The following FRMD6 variants were observed in gnomAD, a reference collection of about 807,000 sequenced individuals.
FRMD6 encodes the protein FERM domain-containing protein 6.
Under a neutral mutation model 73.2 loss-of-function variants are expected in FRMD6, and 37 were observed. The observed-to-expected ratio is 0.51, with a 90% CI of 0.39 to 0.66. FRMD6 has a LOEUF of 0.66. Ranked by LOEUF, FRMD6 falls within the 30% of genes least tolerant of loss-of-function variation. The pLI is 0.00. For missense variants in FRMD6, 714 were observed against 780.5 expected, an observed-to-expected ratio of 0.91 and a Z score of 1.02; for synonymous variants, 273 against 282.2, an observed-to-expected ratio of 0.97 and a Z score of 0.33.
chr14:51,508,225 C>T (rs868293895), intron 1 of FRMD6, among the ~76,000 whole-genome samples: 6 of 152,202 alleles, frequency 3.9e-5, no homozygotes, highest in Non-Finnish European at 5.9e-5. Flanking sequence ...TCTCCATGTC[C>T]TTCCCCCACC....
chr14:51,648,148 A>G (rs997339743), upstream of FRMD6, among the ~76,000 whole-genome samples: 5 of 152,210 alleles, frequency 3.3e-5, no homozygotes, highest in Admixed American at 6.5e-5. Context: ...TATACAAAAG[A>G]TAAAAATAAT....
the FRMD6 span, among the ~76,000 whole-genome samples, chr14:51,458,621 G>A: frequency 6.6e-6 from 1 of 152,182 alleles, no homozygotes; most frequent in Non-Finnish European, 1.5e-5. Flanking sequence ...AGGAAAACTA[G>A]AAGATAAGCA....
chr14:51,709,923 A>G (rs1896848694), intron 7 of FRMD6, among the ~76,000 whole-genome samples: 1 of 152,136 alleles, frequency 6.6e-6, no homozygotes, highest in South Asian at 2.1e-4. Context: ...ATGATACAAT[A>G]TGCTTCACAA....
chr14:51,565,365 A>G lies in FRMD6; in HGVS notation c.-209-4983A>G, dbSNP rs529722197. On this transcript the variant is annotated intron_variant, in intron 1 of 14. Transcript: ENST00000356218. ...TTGGGGGCAGCTGTAGTTGAGCTCTATTAAGCTTCAAGGTGCTGCTAGAAC... is the reference window on the plus strand; with the variant it reads ...TTGGGGGCAGCTGTAGTTGAGCTCTGTTAAGCTTCAAGGTGCTGCTAGAAC... 14 of 152,404 alleles carry G rather than the reference A, an allele frequency of 9.2e-5. No homozygotes were observed. The East Asian group carries it at 1.5e-3, about 17-fold the overall frequency. 9.4% of individuals were successfully genotyped at this position (152,404 alleles called of 1,614,324 possible).
At chr14:51,633,621 A>AGAG (rs1555329154) in intron 2 of FRMD6, among the ~76,000 whole-genome samples, 3 of 99,368 alleles carry the variant, frequency 3.0e-5, no homozygotes, top group African/African-American at 8.0e-5. Flanking sequence ...AAAAAAAAAA[A>AGAG]GAAATAATTA....
At chr14:51,667,681 T>A (rs1481749226) in intron 1 of FRMD6, among the ~76,000 whole-genome samples, 1 of 152,206 alleles carries the variant, frequency 6.6e-6, no homozygotes, top group East Asian at 1.9e-4. Flanking sequence ...TTGACATGTT[T>A]AAGGGTTTTA....
intron 9 of FRMD6, chr14:51,714,487 A>G (rs1897134536): frequency 2.6e-5 from 4 of 152,254 alleles, no homozygotes; most frequent in South Asian, 4.1e-4. Context: ...CGGCTGCCCT[A>G]TTCATTATTA....
chr14:51,491,103 C>T (rs1275254800), intron 1 of FRMD6, among the ~76,000 whole-genome samples: 1 of 152,160 alleles, frequency 6.6e-6, no homozygotes, highest in East Asian at 1.9e-4. Flanking sequence ...GAAGACTCTT[C>T]CCTGGGTGTC....
chr14:51,540,212 C>A (rs1477772106), intron 1 of FRMD6, among the ~76,000 whole-genome samples: 1 of 152,054 alleles, frequency 6.6e-6, no homozygotes, highest in East Asian at 1.9e-4. Flanking sequence ...AAAATGGAGC[C>A]AAGATATGGT....
the FRMD6 span, among the ~76,000 whole-genome samples, chr14:51,482,674 C>CTGTGTGTGTGTGTGTGTGTG: frequency 1.8e-4 from 27 of 148,856 alleles, no homozygotes; most frequent in African/African-American, 5.3e-4. Context: ...TTTGCAGGAA[C>CTGTGTGTGTGTGTGTGTGTG]TGTGTGTGTG....
At chr14:51,492,171 G>C (rs870522) in intron 1 of FRMD6, among the ~76,000 whole-genome samples, 89,461 of 151,974 alleles carry the variant, frequency 0.59, 26,482 homozygotes, top group East Asian at 0.68. Context: ...CTTTCCTTGA[G>C]TTTCAGCTAA....
intron 1 of FRMD6, among the ~76,000 whole-genome samples, chr14:51,568,939 G>A (rs1887938125): frequency 1.3e-5 from 2 of 149,980 alleles, no homozygotes; most frequent in South Asian, 2.1e-4. Flanking sequence ...TCTGCCTCCC[G>A]GGTTCAAGCA....
the FRMD6 span, among the ~76,000 whole-genome samples, chr14:51,447,217 G>A: frequency 2.0e-5 from 3 of 152,144 alleles, no homozygotes; most frequent in African/African-American, 4.8e-5. Context: ...ACTCTGGGGT[G>A]CGGGGAGATG....
At chr14:51,642,256 G>A (rs1444777570) in intron 2 of FRMD6, among the ~76,000 whole-genome samples, 1 of 152,180 alleles carries the variant, frequency 6.6e-6, no homozygotes, top group African/African-American at 2.4e-5. Flanking sequence ...AAGGAGGCCA[G>A]AGGCCGGGCA....
chr14:51,422,359 A>C, the FRMD6 span, among the ~76,000 whole-genome samples: 3 of 152,204 alleles, frequency 2.0e-5, no homozygotes, highest in African/African-American at 7.2e-5. Flanking sequence ...AATGATATTT[A>C]TGTATTTTAA....
At chr14:51,575,614 A>G (rs1596637533) in intron 2 of FRMD6, 1 of 152,346 alleles carries the variant, frequency 6.6e-6, no homozygotes, top group South Asian at 2.1e-4. Flanking sequence ...TGAAATCCTT[A>G]GAGATTTTTT....
intron 1 of FRMD6, among the ~76,000 whole-genome samples, chr14:51,534,892 T>C (rs1349063267): frequency 6.6e-6 from 1 of 152,174 alleles, no homozygotes; most frequent in African/African-American, 2.4e-5. Flanking sequence ...TGCCAGGTAC[T>C]CTCCAGTGGA....
chr14:51,442,748 C>G, the FRMD6 span, among the ~76,000 whole-genome samples: 1 of 152,200 alleles, frequency 6.6e-6, no homozygotes, highest in African/African-American at 2.4e-5. Flanking sequence ...TGAGACATTG[C>G]TGGTCACTTC....
intron 2 of FRMD6, among the ~76,000 whole-genome samples, chr14:51,631,082 A>G (rs571615573): frequency 6.6e-6 from 1 of 152,236 alleles, no homozygotes; most frequent in African/African-American, 2.4e-5. Flanking sequence ...CAGATAGTGC[A>G]GAGAAAATCC....
Sources: gnomAD v4.1 joint callset for allele counts (sites outside exome capture counted in the v4.1 genomes callset) on GRCh38, gnomAD v4.1.1 for gene constraint, MANE v1.5 for transcripts, NCBI Gene and HGNC (gene_info 2026-07-23, HGNC 2026-07-21) for gene names.